PRKCE: variants seen among roughly 807,000 people sequenced by gnomAD.
PRKCE encodes the protein protein kinase C epsilon.
In PRKCE, 16 loss-of-function variants were observed where a neutral mutation model predicts 85.4. That is an observed-to-expected ratio of 0.19 (90% CI 0.13 to 0.28). PRKCE has a LOEUF of 0.28. Among genes scored for constraint, PRKCE ranks in the 10% least tolerant of loss-of-function variants. The pLI is 1.00. For synonymous variants in PRKCE, 388 were observed against 371.5 expected, an observed-to-expected ratio of 1.04 and a Z score of -0.51; for missense variants, 573 against 975.2, an observed-to-expected ratio of 0.59 and a Z score of 5.49.
chr2:46,002,426 G>C (rs1319603200), intron 7 of PRKCE, among the ~76,000 whole-genome samples: 1 of 152,172 alleles, frequency 6.6e-6, no homozygotes, highest in East Asian at 1.9e-4. Context: ...TAGTCTCCCT[G>C]AATTTTGCCC....
At chr2:46,132,471 G>A (rs939547510) in intron 11 of PRKCE, among the ~76,000 whole-genome samples, 1 of 152,166 alleles carries the variant, frequency 6.6e-6, no homozygotes, top group Admixed American at 6.5e-5. Context: ...TAAGTGCTCA[G>A]TAGATGTCCA....
At chr2:45,791,687 G>C (rs77051039) in intron 1 of PRKCE, among the ~76,000 whole-genome samples, 5,418 of 152,278 alleles carry the variant, frequency 0.036, 340 homozygotes, top group African/African-American at 0.12. Flanking sequence ...GCAAAGTGGT[G>C]TACTTTCCTT....
rs185930533 is a variant in PRKCE at position 45,732,887 on chromosome 2, A to G, written c.348+80439A>G. Among the ~76,000 whole-genome samples the G allele has an allele frequency of 5.5e-3, 833 of 152,284 alleles. 2 individuals carry two copies. The highest frequency in any genetic ancestry group is 0.01 in the Admixed American group (155 of 15,304). On this transcript the variant is annotated intron_variant, in intron 1 of 14. Transcript: ENST00000306156. The stretch of plus-strand genomic sequence containing the variant: ...ATTGGTAATTTTAGATAAACAGGAG[A>G]GAAGTTAAATCGTTATAATTAATGG...
At chr2:45,728,240 G>A (rs1681254099) in intron 1 of PRKCE, among the ~76,000 whole-genome samples, 1 of 152,178 alleles carries the variant, frequency 6.6e-6, no homozygotes, top group Non-Finnish European at 1.5e-5. Context: ...GCTTCAAAGG[G>A]CAAAGGATCA....
At chr2:45,834,428 C>G (rs182490582) in intron 1 of PRKCE, among the ~76,000 whole-genome samples, 1 of 152,280 alleles carries the variant, frequency 6.6e-6, no homozygotes, top group East Asian at 1.9e-4. Context: ...GCTCAGAACA[C>G]AATTTTGTAA....
At chr2:45,921,562 T>A (rs115769892) in intron 2 of PRKCE, among the ~76,000 whole-genome samples, 1,638 of 152,292 alleles carry the variant, frequency 0.011, 22 homozygotes, top group African/African-American at 0.037. Flanking sequence ...AGTCACTGGG[T>A]CACATGCTCA....
rs1326111447 is a variant in PRKCE at position 45,907,899 on chromosome 2, C to T, written c.412+64836C>T. 6.6e-6 allele frequency among the ~76,000 whole-genome samples: 1 copy of T among 152,182 alleles called. No individual in the cohort carries two copies. Among genetic ancestry groups the T allele is most frequent in the Non-Finnish European group, 1.5e-5 (1 of 68,022 alleles). ...TGCCTGGTATCTATGTTAAACAAAA[C>T]GCCTTGTCCAGAATGATCTCCCATG... On this transcript the variant is annotated intron_variant, in intron 2 of 14. Coordinates refer to ENST00000306156, the MANE Select transcript of PRKCE (RefSeq NM_005400.3). The surrounding 1 kb of genome is among the most constrained non-coding windows in gnomAD (Gnocchi z 4.5).
At position 45,781,165 on chromosome 2, in the gene PRKCE, A is replaced by G. The variant is rs999380817; in HGVS notation, c.349-61835A>G. Among the ~76,000 whole-genome samples, 3 of 147,402 alleles carry G rather than the reference A, an allele frequency of 2.0e-5. No homozygotes were observed. The East Asian group carries it at 5.9e-4, about 29-fold the overall frequency. On this transcript the variant is annotated intron_variant, in intron 1 of 14. Transcript: ENST00000306156. Reference sequence around the variant, plus strand: ...CTGGGCAACATACGGAGACCCCCCCATCTCTACAAAATAATAATAAAAAAA... The same window carrying G: ...CTGGGCAACATACGGAGACCCCCCCGTCTCTACAAAATAATAATAAAAAAA...
At chr2:46,087,248 TG>T (rs1357740777) in intron 11 of PRKCE, among the ~76,000 whole-genome samples, 1 of 152,084 alleles carries the variant, frequency 6.6e-6, no homozygotes, top group Non-Finnish European at 1.5e-5. Flanking sequence ...CTTGGTCTAG[TG>T]GAAGAAGCCT....
chr2:45,823,909 G>C (rs1295949153), intron 1 of PRKCE, among the ~76,000 whole-genome samples: 1 of 152,252 alleles, frequency 6.6e-6, no homozygotes, highest in Non-Finnish European at 1.5e-5. Flanking sequence ...GCTCCTGGGA[G>C]GAGCAAGGAT....
intron 1 of PRKCE, among the ~76,000 whole-genome samples, chr2:45,694,929 A>G (rs945464755): frequency 2.0e-5 from 3 of 152,148 alleles, no homozygotes; most frequent in Non-Finnish European, 2.9e-5. Flanking sequence ...AGAAGGGATC[A>G]CATGAGGAGA....
intron 2 of PRKCE, among the ~76,000 whole-genome samples, chr2:45,893,460 T>C (rs915349824): frequency 2.0e-5 from 3 of 151,478 alleles, no homozygotes; most frequent in Non-Finnish European, 2.9e-5. Flanking sequence ...CTCTGCCTCC[T>C]GGGTTCAGGC....
Position 46,084,411 on chromosome 2 carries a change from A to G in PRKCE, c.1438-1797A>G, listed in dbSNP as rs569815268. Reference sequence around the variant, plus strand: ...ATGCTAACATCCTCCTGGAAGCTTCACTTAGACTATACCTATGTGTTAAAA... The same window carrying G: ...ATGCTAACATCCTCCTGGAAGCTTCGCTTAGACTATACCTATGTGTTAAAA... On this transcript the variant is annotated intron_variant, in intron 10 of 14. Transcript: ENST00000306156. 1.4e-4 allele frequency among the ~76,000 whole-genome samples: 22 copies of G among 152,298 alleles called. 1 individual carries two copies. In the South Asian group the frequency reaches 4.6e-3, roughly 32 times the overall value.
intron 1 of PRKCE, among the ~76,000 whole-genome samples, chr2:45,754,293 C>T (rs934456878): frequency 6.6e-6 from 1 of 152,170 alleles, no homozygotes; most frequent in African/African-American, 2.4e-5. Context: ...GGAGGCCAGG[C>T]ATGTGACTTC....
At chr2:46,181,062 A>G (rs1316029551) in intron 14 of PRKCE, among the ~76,000 whole-genome samples, 1 of 152,232 alleles carries the variant, frequency 6.6e-6, no homozygotes, top group Non-Finnish European at 1.5e-5. Context: ...GAGGATCAGG[A>G]TAAACAAGTG....
At chr2:45,864,686 C>T (rs1693441998) in intron 2 of PRKCE, among the ~76,000 whole-genome samples, 1 of 152,152 alleles carries the variant, frequency 6.6e-6, no homozygotes, top group African/African-American at 2.4e-5. Flanking sequence ...TCTTTAATTC[C>T]TCCCCAACCA....
At position 46,004,209 on chromosome 2, in the gene PRKCE, A is replaced by G; in HGVS notation, c.967-333A>G. 1 of 338,266 alleles carries G rather than the reference A, an allele frequency of 3.0e-6. No homozygotes were observed. Among genetic ancestry groups the G allele is most frequent in the Non-Finnish European group, 5.8e-6 (1 of 172,830 alleles). 21.0% of individuals were successfully genotyped at this position (338,266 alleles called of 1,614,324 possible). On this transcript the variant is annotated intron_variant, in intron 7 of 14. Transcript: ENST00000306156. The surrounding 1 kb of genome is among the most constrained non-coding windows in gnomAD (Gnocchi z 4.1). ...CTAACCTTTATGGTGTCCTCGCACA[A>G]CCCGAACTACTTCATCCTTTTGGAT...
chr2:45,952,560 T>G (rs1206879971), intron 2 of PRKCE, among the ~76,000 whole-genome samples: 1 of 152,220 alleles, frequency 6.6e-6, no homozygotes, highest in East Asian at 1.9e-4. Context: ...ACCCCTATTT[T>G]ACGTTGAAAT....
intron 1 of PRKCE, among the ~76,000 whole-genome samples, chr2:45,683,883 C>G (rs6751406): frequency 0.078 from 11,929 of 152,230 alleles, 548 homozygotes; most frequent in East Asian, 0.22. Flanking sequence ...TGATAGGCAG[C>G]TAAGTTTGCA....
Sources: allele counts gnomAD v4.1 joint callset (sites outside exome capture counted in the v4.1 genomes callset), GRCh38; gene constraint gnomAD v4.1.1; non-coding constraint Gnocchi (gnomAD v3.1); transcripts MANE v1.5; gene names NCBI Gene and HGNC (gene_info 2026-07-23, HGNC 2026-07-21).